Variants in COL19A1 observed in about 807,000 individuals in gnomAD.
COL19A1 encodes collagen alpha-1(XIX) chain.
Under a neutral mutation model 190.2 loss-of-function variants are expected in COL19A1, and 159 were observed. That is an observed-to-expected ratio of 0.84 (90% CI 0.73 to 0.95). COL19A1 has a LOEUF of 0.95. Ranked by LOEUF, COL19A1 falls within the 40% of genes least tolerant of loss-of-function variation. The probability of loss-of-function intolerance (pLI) is 0.00; values close to 1 mark genes in which losing one functional copy is unlikely to be tolerated. For missense variants in COL19A1, 1,418 were observed against 1,431.9 expected (o/e 0.99, Z 0.16); for synonymous variants, 509 against 458.9 (o/e 1.11, Z -1.39).
intron 31 of COL19A1, among the ~76,000 whole-genome samples, chr6:70,151,713 A>G (rs1583034500): frequency 6.6e-6 from 1 of 152,002 alleles, no homozygotes; most frequent in Non-Finnish European, 1.5e-5. Context: ...GGCTACAGGG[A>G]AGGAATTATG....
Position 70,207,364 on chromosome 6 carries a change from CTTTTTTTTTT to C in COL19A1, c.*104_*113del. 1.4e-4 allele frequency: 25 copies of C among 176,736 alleles called. No individual in the cohort carries two copies. The highest frequency in any genetic ancestry group is 1.9e-4 in the Non-Finnish European group (22 of 116,364). 10.9% of individuals were successfully genotyped at this position (176,736 alleles called of 1,614,324 possible). ...TCAAACCCTCATCATCTGTGGGTTG[CTTTTTTTTTT>C]TTTTTTTTTTTTTGGGAGTAAGCCA... On this transcript the variant is annotated 3_prime_UTR_variant, in exon 51 of 51. Coordinates refer to ENST00000620364, the MANE Select transcript of COL19A1 (RefSeq NM_001858.6).
At chr6:70,203,483 A>G (rs933410391) in intron 49 of COL19A1, among the ~76,000 whole-genome samples, 3 of 152,096 alleles carry the variant, frequency 2.0e-5, no homozygotes, top group African/African-American at 7.2e-5. Context: ...TGTCAAAATG[A>G]CTGAAGGGCA....
At chr6:69,981,891 A>G (rs1012896573) in intron 11 of COL19A1, among the ~76,000 whole-genome samples, 57 of 152,262 alleles carry the variant, frequency 3.7e-4, no homozygotes, top group African/African-American at 1.3e-3. Context: ...ATAAAATTAC[A>G]AATATATTTT....
chr6:69,900,812 G>A (rs924183365), intron 4 of COL19A1, among the ~76,000 whole-genome samples: 1 of 151,986 alleles, frequency 6.6e-6, no homozygotes, highest in Non-Finnish European at 1.5e-5. Context: ...ATAAAAAGCT[G>A]TTTTGTGCTT....
intron 9 of COL19A1, among the ~76,000 whole-genome samples, chr6:69,946,570 C>A (rs976254072): frequency 2.6e-5 from 4 of 151,714 alleles, no homozygotes; most frequent in African/African-American, 9.7e-5. Context: ...GGCTTGTGGG[C>A]AATATGAGGA....
intron 6 of COL19A1, 104 bp downstream of exon 6, chr6:69,929,804 T>C (rs541929243): frequency 2.0e-5 from 21 of 1,049,194 alleles, no homozygotes; most frequent in Non-Finnish European, 2.5e-5. Context: ...GATTCCCTTC[T>C]CATCAATTTT....
intron 48 of COL19A1, among the ~76,000 whole-genome samples, chr6:70,194,907 G>T (rs1417203496): frequency 6.6e-6 from 1 of 151,650 alleles, no homozygotes; most frequent in African/African-American, 2.4e-5. Context: ...CAGATTTCCA[G>T]TGTTCAGAAA....
chr6:70,051,625 G>A (rs1476130580), intron 14 of COL19A1, among the ~76,000 whole-genome samples: 5 of 151,986 alleles, frequency 3.3e-5, no homozygotes, highest in African/African-American at 1.2e-4. Flanking sequence ...CTTGCTTTGC[G>A]GCATAAACAT....
chr6:70,122,049 T>G (rs1784915587), intron 17 of COL19A1, 107 bp downstream of exon 17: 3 of 649,506 alleles, frequency 4.6e-6, no homozygotes, highest in Non-Finnish European at 7.8e-6. Context: ...TTATACATGA[T>G]CACATGTATT....
chr6:70,003,003 G>T (rs117634189), intron 11 of COL19A1, among the ~76,000 whole-genome samples: 2,103 of 151,964 alleles, frequency 0.014, 44 homozygotes, highest in East Asian at 0.069. Flanking sequence ...CTTTCTAGCT[G>T]TCTTATGTGA....
At chr6:69,888,739 C>G (rs1426376707) in intron 2 of COL19A1, among the ~76,000 whole-genome samples, 1 of 150,174 alleles carries the variant, frequency 6.7e-6, no homozygotes, top group East Asian at 2.0e-4. Flanking sequence ...GATAGCGCCA[C>G]TGCACTCCAT....
At chr6:70,184,085 A>G (rs1315842192) in intron 44 of COL19A1, among the ~76,000 whole-genome samples, 2 of 152,252 alleles carry the variant, frequency 1.3e-5, no homozygotes, top group Admixed American at 6.5e-5. Context: ...AGTGACTAAT[A>G]CTGTCAAAAA....
intron 4 of COL19A1, among the ~76,000 whole-genome samples, chr6:69,914,581 A>AT (rs893997797): frequency 1.3e-5 from 2 of 152,174 alleles, no homozygotes; most frequent in Non-Finnish European, 2.9e-5. Context: ...TTAAAAATCG[A>AT]TTTTTTTCCA....
chr6:70,090,432 A>T (rs573008986), intron 15 of COL19A1, among the ~76,000 whole-genome samples: 1 of 152,162 alleles, frequency 6.6e-6, no homozygotes, highest in Non-Finnish European at 1.5e-5. Flanking sequence ...GATTTAATGT[A>T]TATGAGAGGG....
chr6:69,951,480 A>G (rs917033061), intron 9 of COL19A1, among the ~76,000 whole-genome samples: 115 of 152,066 alleles, frequency 7.6e-4, no homozygotes, highest in African/African-American at 2.7e-3. Context: ...ATCTTAGCCA[A>G]AAGGCCAAGA....
intron 4 of COL19A1, among the ~76,000 whole-genome samples, chr6:69,917,641 C>T (rs534514660): frequency 6.6e-6 from 1 of 152,066 alleles, no homozygotes; most frequent in Non-Finnish European, 1.5e-5. Flanking sequence ...TAGATGGTGA[C>T]TAGGGTGAGG....
At chr6:70,040,446 CT>C (rs751029101) in intron 14 of COL19A1, among the ~76,000 whole-genome samples, 5 of 152,156 alleles carry the variant, frequency 3.3e-5, no homozygotes, top group Admixed American at 1.3e-4. Flanking sequence ...TGAAAGTATT[CT>C]TACTGCCAGT....
intron 16 of COL19A1, among the ~76,000 whole-genome samples, chr6:70,117,345 T>C (rs1784635768): frequency 6.6e-6 from 1 of 152,220 alleles, no homozygotes; most frequent in South Asian, 2.1e-4. Context: ...TTTTAAACTT[T>C]GGGAATGTGC....
At chr6:70,159,173 A>G (rs568791009) in intron 34 of COL19A1, among the ~76,000 whole-genome samples, 29 of 152,096 alleles carry the variant, frequency 1.9e-4, no homozygotes, top group African/African-American at 6.7e-4. Flanking sequence ...ATACATATAT[A>G]CGTATATTTT....
Sources: gnomAD v4.1 joint callset for allele counts (sites outside exome capture counted in the v4.1 genomes callset) on GRCh38, gnomAD v4.1.1 for gene constraint, MANE v1.5 for transcripts, NCBI Gene and HGNC (gene_info 2026-07-23, HGNC 2026-07-21) for gene names.